Variants in HYAL4 observed in about 807,000 individuals in gnomAD.
HYAL4 encodes hyaluronidase 4.
HYAL4 carries 37 observed loss-of-function variants against 35.2 expected under a neutral mutation model. The observed-to-expected ratio is 1.05, with a 90% confidence interval of 0.81 to 1.38. The LOEUF is 1.38. HYAL4 is among the 40% of genes most tolerant of loss of function. The pLI is 0.00. For missense variants in HYAL4, 572 were observed against 572.4 expected, an observed-to-expected ratio of 1.00 and a Z score of 0.01; for synonymous variants, 198 against 203.2, an observed-to-expected ratio of 0.97 and a Z score of 0.22.
intron 1 of HYAL4, among the ~76,000 whole-genome samples, chr7:123,834,063 G>T (rs1301384746): frequency 6.6e-6 from 1 of 152,064 alleles, no homozygotes; most frequent in Non-Finnish European, 1.5e-5. Context: ...CTTTGGCTGT[G>T]TGGGCTCTTT....
chr7:123,790,121 A>C, the HYAL4 span, among the ~76,000 whole-genome samples: 2 of 152,220 alleles, frequency 1.3e-5, no homozygotes, highest in African/African-American at 4.8e-5. Flanking sequence ...TCTACTGATT[A>C]GTTGCCCACC....
the HYAL4 span, among the ~76,000 whole-genome samples, chr7:123,791,965 G>A: frequency 1.3e-5 from 2 of 152,158 alleles, no homozygotes; most frequent in East Asian, 3.8e-4. Context: ...GAAACCAACT[G>A]CAAGGTTGGG....
chr7:123,852,593 T>C (rs1806334455), intron 2 of HYAL4, among the ~76,000 whole-genome samples: 1 of 152,210 alleles, frequency 6.6e-6, no homozygotes, highest in African/African-American at 2.4e-5. Flanking sequence ...TCCATTGGTC[T>C]ATATATTTGT....
intron 4 of HYAL4, 133 bp from the exon 5 acceptor site, chr7:123,876,621 T>C (rs974184927): frequency 1.0e-6 from 1 of 956,946 alleles, no homozygotes; most frequent in African/African-American, 1.7e-5. Context: ...AGCCATTATG[T>C]TTTAATCAAG....
At chr7:123,841,880 T>C (rs1339690762), upstream of HYAL4, among the ~76,000 whole-genome samples, 1 of 152,054 alleles carries the variant, frequency 6.6e-6, no homozygotes, top group African/African-American at 2.4e-5. Flanking sequence ...GATTCTTCTC[T>C]CTTTTCTTCT....
At chr7:123,765,861 A>T in the HYAL4 span, among the ~76,000 whole-genome samples, 1 of 152,132 alleles carries the variant, frequency 6.6e-6, no homozygotes, top group African/African-American at 2.4e-5. Context: ...CCATTGCCCC[A>T]AGGACATTTA....
At chr7:123,852,574 C>G (rs1296541624) in intron 2 of HYAL4, among the ~76,000 whole-genome samples, 1 of 152,150 alleles carries the variant, frequency 6.6e-6, no homozygotes, top group Non-Finnish European at 1.5e-5. Flanking sequence ...TCTGAGGCCT[C>G]TGTTCTCTTC....
intron 4 of HYAL4, among the ~76,000 whole-genome samples, chr7:123,875,119 T>G (rs1337722678): frequency 1.3e-5 from 2 of 152,162 alleles, no homozygotes; most frequent in East Asian, 3.9e-4. Context: ...TCATATGAGG[T>G]AGTGACTATC....
chr7:123,857,511 C>T (rs932986481), intron 2 of HYAL4, among the ~76,000 whole-genome samples: 4 of 151,904 alleles, frequency 2.6e-5, no homozygotes, highest in Admixed American at 2.6e-4. Context: ...ATGGGTTGAA[C>T]CCACTGTCTA....
At chr7:123,839,363 C>T (rs531596498) in intron 1 of HYAL4, among the ~76,000 whole-genome samples, 8 of 152,288 alleles carry the variant, frequency 5.3e-5, no homozygotes, top group African/African-American at 1.9e-4. Flanking sequence ...ATATGTGCCA[C>T]ATTTTCTTTA....
At chr7:123,797,298 AC>A in the HYAL4 span, among the ~76,000 whole-genome samples, 1 of 152,162 alleles carries the variant, frequency 6.6e-6, no homozygotes, top group Admixed American at 6.5e-5. Flanking sequence ...TCTCATTGCT[AC>A]TGAACATCAC....
At chr7:123,828,427 TACACAC>T (rs34327472), upstream of HYAL4, among the ~76,000 whole-genome samples, 214 of 141,408 alleles carry the variant, frequency 1.5e-3, 1 homozygote, top group African/African-American at 4.9e-3. Context: ...TGTTCATAAT[TACACAC>T]ACACACACAC....
intron 1 of HYAL4, among the ~76,000 whole-genome samples, chr7:123,833,590 T>G (rs1805917592): frequency 6.6e-6 from 1 of 152,204 alleles, no homozygotes; most frequent in Non-Finnish European, 1.5e-5. Flanking sequence ...TTAATTAAGT[T>G]CCACCTATTT....
chr7:123,779,667 T>A, the HYAL4 span, among the ~76,000 whole-genome samples: 157 of 152,170 alleles, frequency 1.0e-3, no homozygotes, highest in African/African-American at 3.5e-3. Context: ...ATAAAAAAAA[T>A]TTTAAAATTT....
chr7:123,863,078 G>C (rs922694517), intron 2 of HYAL4, among the ~76,000 whole-genome samples: 2 of 152,140 alleles, frequency 1.3e-5, no homozygotes, highest in African/African-American at 2.4e-5. Flanking sequence ...GATCAGTGAG[G>C]CTTGTTACCA....
At chr7:123,861,461 A>G (rs1806574319) in intron 2 of HYAL4, among the ~76,000 whole-genome samples, 1 of 152,212 alleles carries the variant, frequency 6.6e-6, no homozygotes, top group African/African-American at 2.4e-5. Context: ...CCTAAGACTT[A>G]GTGTGCTTTT....
the HYAL4 span, among the ~76,000 whole-genome samples, chr7:123,821,435 C>T: frequency 6.6e-6 from 1 of 152,112 alleles, no homozygotes; most frequent in African/African-American, 2.4e-5. Context: ...TACCTGTTAG[C>T]TCTTTGTATG....
At chr7:123,766,443 C>T in the HYAL4 span, among the ~76,000 whole-genome samples, 6 of 151,930 alleles carry the variant, frequency 3.9e-5, no homozygotes, top group Non-Finnish European at 7.4e-5. Context: ...TCATTGAAAC[C>T]CCCGGGTAAC....
rs1806779423 is a variant in HYAL4, at chr7:123,868,784, A to G, written c.511A>G (p.Ile171Val). The change falls in exon 3 of 5, where the codon ATT (isoleucine) becomes GTT (valine). Residue 171 changes from isoleucine to valine, a missense_variant. Transcript: ENST00000223026. ...DVYRQKSRKLISDMGKNVSAT... is the reference protein window; with the variant it reads ...DVYRQKSRKLVSDMGKNVSAT... ...TTACAGACAGAAGTCAAGAAAGCTT[A>G]TTTCCGATATGGGAAAGAATGTATC... 2 of 1,614,242 alleles carry G rather than the reference A, an allele frequency of 1.2e-6. No homozygotes were observed. Among genetic ancestry groups the G allele is most frequent in the Non-Finnish European group, 1.7e-6 (2 of 1,180,040 alleles).
Sources: gnomAD v4.1 joint callset for allele counts (sites outside exome capture counted in the v4.1 genomes callset) on GRCh38, gnomAD v4.1.1 for gene constraint, MANE v1.5 for transcripts, NCBI Gene and HGNC (gene_info 2026-07-23, HGNC 2026-07-21) for gene names.